The following ARHGAP8 variants were observed in gnomAD, a reference collection of about 807,000 sequenced individuals.
ARHGAP8 encodes the protein Rho GTPase activating protein 8, also known as rho GTPase-activating protein 8.
ARHGAP8 carries 62 observed loss-of-function variants against 46.1 expected under a neutral mutation model. The observed-to-expected ratio is 1.34, with a 90% confidence interval of 1.10 to 1.66. The LOEUF is 1.66. ARHGAP8 is among the 40% of genes most tolerant of loss of function. ARHGAP8 has a pLI of 0.00. For synonymous variants in ARHGAP8, 375 were observed against 243.1 expected (o/e 1.54, Z -5.05); for missense variants, 923 against 568.4 (o/e 1.62, Z -6.34).
At chr22:44,753,176 G>T (rs1256669962) in intron 1 of ARHGAP8, among the ~76,000 whole-genome samples, 2 of 151,088 alleles carry the variant, frequency 1.3e-5, no homozygotes, top group East Asian at 4.0e-4. Flanking sequence ...TGGGGGGCTG[G>T]CCGGTTCAAC....
chr22:44,831,869 T>C (rs1334451745), intron 7 of ARHGAP8, among the ~76,000 whole-genome samples: 1 of 152,218 alleles, frequency 6.6e-6, no homozygotes, highest in African/African-American at 2.4e-5. Context: ...AGCTTTGTAG[T>C]AAGTTTTGAA....
chr22:44,860,389 T>C (rs929193641), intron 11 of ARHGAP8, among the ~76,000 whole-genome samples: 1 of 152,080 alleles, frequency 6.6e-6, no homozygotes, highest in South Asian at 2.1e-4. Flanking sequence ...CTCTCCCAGC[T>C]CCTGGTCACT....
chr22:44,804,624 C>G (rs999027759), intron 3 of ARHGAP8, among the ~76,000 whole-genome samples: 1 of 152,150 alleles, frequency 6.6e-6, no homozygotes, highest in Non-Finnish European at 1.5e-5. Context: ...GTGACCCTGG[C>G]GGGGAGGCTG....
rs142542608 is a variant in ARHGAP8, at chr22:44,760,166, C to T, written c.-72+7539C>T. 7.2e-5 allele frequency among the ~76,000 whole-genome samples: 11 copies of T among 152,288 alleles called. No individual in the cohort carries two copies. In the East Asian group the frequency reaches 1.5e-3, roughly 21 times the overall value. On this transcript the variant is annotated intron_variant, in intron 1 of 11. Transcript: ENST00000356099. ...TCTGCTACCTGGACAAATGGCCTTG[C>T]GCATGCCGTCTTGCCAGCGTTGGGG...
Position 44,849,016 on chromosome 22 carries a change from C to T in ARHGAP8, c.833C>T (p.Pro278Leu), listed in dbSNP as rs755459670. The part of the protein sequence containing the change: ...LKTFLRELPQ[P>L]LLTFQAYEQI... ...ACCTTCCTGCGAGAGCTGCCCCAGC[C>T]GCTTCTGACCTTCCAGGCCTACGAG... Residue 278 changes from proline (P) to leucine (L), a missense_variant, in exon 10 of 12, where the codon CCG becomes CTG. Physicochemically the swap from Pro to Leu is moderately conservative, Grantham distance 98 (BLOSUM62 -3). Coordinates refer to ENST00000356099, the MANE Select transcript of ARHGAP8 (RefSeq NM_181335.3). 29 of 1,614,022 alleles carry T rather than the reference C, an allele frequency of 1.8e-5. No homozygotes were observed. Among genetic ancestry groups the T allele is most frequent in the Middle Eastern group, 1.6e-4 (1 of 6,062 alleles).
intron 10 of ARHGAP8, among the ~76,000 whole-genome samples, chr22:44,855,987 T>TCC (rs1413100624): frequency 6.6e-6 from 1 of 152,128 alleles, no homozygotes; most frequent in Non-Finnish European, 1.5e-5. Context: ...GGAGCAGGTG[T>TCC]CTCACGCAGT....
At chr22:44,795,824 G>C (rs1331879711) in intron 2 of ARHGAP8, among the ~76,000 whole-genome samples, 2 of 151,994 alleles carry the variant, frequency 1.3e-5, no homozygotes, top group Non-Finnish European at 2.9e-5. Flanking sequence ...CAGTCTGGGG[G>C]GCTGCTCCTC....
chr22:44,806,656 T>G (rs1345006696), intron 3 of ARHGAP8, among the ~76,000 whole-genome samples: 1 of 151,970 alleles, frequency 6.6e-6, no homozygotes, highest in Non-Finnish European at 1.5e-5. Flanking sequence ...TGACATCACT[T>G]AGAAATCAAA....
chr22:44,767,595 CT>C (rs1261609228), intron 1 of ARHGAP8, among the ~76,000 whole-genome samples: 1 of 152,124 alleles, frequency 6.6e-6, no homozygotes, highest in Non-Finnish European at 1.5e-5. Flanking sequence ...CCCACGCTGC[CT>C]TTAACTGTTG....
intron 1 of ARHGAP8, among the ~76,000 whole-genome samples, chr22:44,782,208 A>G (rs8141491): frequency 0.88 from 133,095 of 152,046 alleles, 58,339 homozygotes; most frequent in Non-Finnish European, 0.89. Context: ...ATGGTGGCAC[A>G]TGCCTGTAGT....
chr22:44,857,234 C>T (rs1311300317), intron 10 of ARHGAP8, among the ~76,000 whole-genome samples: 2 of 152,034 alleles, frequency 1.3e-5, no homozygotes, highest in Non-Finnish European at 2.9e-5. Context: ...GCCACCACGA[C>T]CAGTCTTGAG....
At chr22:44,862,205 CGGGA>C (rs1299413345) in intron 11 of ARHGAP8, 66 bp from the exon 12 acceptor site, 21 of 1,519,248 alleles carry the variant, frequency 1.4e-5, no homozygotes, top group Non-Finnish European at 1.9e-5. Flanking sequence ...TCCCTAAGTT[CGGGA>C]GGGAGTTCCA....
intron 11 of ARHGAP8, among the ~76,000 whole-genome samples, chr22:44,860,904 A>G (rs1388615421): frequency 6.6e-6 from 1 of 152,118 alleles, no homozygotes; most frequent in Non-Finnish European, 1.5e-5. Flanking sequence ...GTCACATCCC[A>G]GAGTCTGTTG....
At chr22:44,801,995 C>A in intron 2 of ARHGAP8, 82 bp from the exon 3 acceptor site, 1 of 1,568,598 alleles carries the variant, frequency 6.4e-7, no homozygotes, top group Non-Finnish European at 8.7e-7. Context: ...CTGGACTGGC[C>A]AAGGAGGCTG....
intron 7 of ARHGAP8, among the ~76,000 whole-genome samples, chr22:44,843,468 T>A (rs1931778960): frequency 6.6e-6 from 1 of 152,192 alleles, no homozygotes; most frequent in Non-Finnish European, 1.5e-5. Flanking sequence ...GTAGATTGAC[T>A]GTTTAAATAA....
At chr22:44,791,296 G>A (rs1370974973) in intron 2 of ARHGAP8, among the ~76,000 whole-genome samples, 2 of 152,160 alleles carry the variant, frequency 1.3e-5, no homozygotes, top group African/African-American at 2.4e-5. Flanking sequence ...TGTCAGAGTC[G>A]ACACTTGAGC....
chr22:44,795,074 G>T (rs1431602776), intron 2 of ARHGAP8, among the ~76,000 whole-genome samples: 1 of 151,714 alleles, frequency 6.6e-6, no homozygotes, highest in Non-Finnish European at 1.5e-5. Flanking sequence ...AAATCTGTTG[G>T]TATGAAAACA....
At chr22:44,839,004 C>T (rs907668038) in intron 7 of ARHGAP8, among the ~76,000 whole-genome samples, 1 of 152,130 alleles carries the variant, frequency 6.6e-6, no homozygotes, top group South Asian at 2.1e-4. Flanking sequence ...GGAAACTGGC[C>T]GGTGGTGATC....
intron 10 of ARHGAP8, among the ~76,000 whole-genome samples, chr22:44,856,642 TA>T (rs2070233877): frequency 7.5e-6 from 1 of 133,222 alleles, no homozygotes; most frequent in Non-Finnish European, 1.6e-5. Flanking sequence ...AAACTGGCCA[TA>T]AAGGCAAGTT....
Sources: allele counts gnomAD v4.1 joint callset (sites outside exome capture counted in the v4.1 genomes callset), GRCh38; gene constraint gnomAD v4.1.1; transcripts MANE v1.5; gene names NCBI Gene and HGNC (gene_info 2026-07-23, HGNC 2026-07-21).